Variants in RABGAP1L observed in about 807,000 individuals in gnomAD.
The protein encoded by RABGAP1L is rab GTPase-activating protein 1-like.
Under a neutral mutation model 137.7 loss-of-function variants are expected in RABGAP1L, and 63 were observed. The observed-to-expected ratio is 0.46, with a 90% CI of 0.37 to 0.56. RABGAP1L has a LOEUF of 0.56. Among genes scored for constraint, RABGAP1L ranks in the 20% least tolerant of loss-of-function variants. The pLI, the probability that RABGAP1L is intolerant of heterozygous loss-of-function variation, is 0.00. For synonymous variants in RABGAP1L, 431 were observed against 433.7 expected, an observed-to-expected ratio of 0.99 and a Z score of 0.08; for missense variants, 1,095 against 1,244.0, an observed-to-expected ratio of 0.88 and a Z score of 1.80.
At chr1:174,521,592 G>A (rs917188525) in intron 13 of RABGAP1L, among the ~76,000 whole-genome samples, 1 of 152,156 alleles carries the variant, frequency 6.6e-6, no homozygotes, top group African/African-American at 2.4e-5. Flanking sequence ...AAAATTGCAA[G>A]GGCAAAGAAA....
At chr1:174,445,096 C>T (rs1223896829) in intron 13 of RABGAP1L, among the ~76,000 whole-genome samples, 1 of 152,034 alleles carries the variant, frequency 6.6e-6, no homozygotes, top group Non-Finnish European at 1.5e-5. Flanking sequence ...GCACACAGCA[C>T]AATGCTTGGC....
At chr1:174,959,759 G>A (rs1189741909) in intron 20 of RABGAP1L, among the ~76,000 whole-genome samples, 1 of 152,076 alleles carries the variant, frequency 6.6e-6, no homozygotes, top group Non-Finnish European at 1.5e-5. Context: ...TACACTTGGT[G>A]AATTTATAGT....
At chr1:174,865,831 A>T (rs1651108385) in intron 19 of RABGAP1L, among the ~76,000 whole-genome samples, 1 of 152,186 alleles carries the variant, frequency 6.6e-6, no homozygotes, top group South Asian at 2.1e-4. Flanking sequence ...AGAACATTTC[A>T]TCTACAATTG....
chr1:174,347,602 C>T (rs956648472), intron 11 of RABGAP1L, among the ~76,000 whole-genome samples: 1 of 152,030 alleles, frequency 6.6e-6, no homozygotes, highest in East Asian at 1.9e-4. Flanking sequence ...ACACCATTCT[C>T]CTGCCTCTGC....
intron 13 of RABGAP1L, among the ~76,000 whole-genome samples, chr1:174,495,586 G>A (rs1230181247): frequency 6.6e-6 from 1 of 152,070 alleles, no homozygotes; most frequent in African/African-American, 2.4e-5. Context: ...CAACCCACCA[G>A]CATTCTTTCT....
At chr1:174,403,801 G>A (rs1376482061) in intron 13 of RABGAP1L, among the ~76,000 whole-genome samples, 1 of 144,524 alleles carries the variant, frequency 6.9e-6, no homozygotes, top group African/African-American at 2.5e-5. Flanking sequence ...TTTCTGGTTT[G>A]GGATTTTTTT....
chr1:174,573,225 ATATATGTT>A (rs1668119955), intron 13 of RABGAP1L, among the ~76,000 whole-genome samples: 1 of 144,012 alleles, frequency 6.9e-6, no homozygotes, highest in South Asian at 2.2e-4. Flanking sequence ...TATACACACT[ATATATGTT>A]TATATGTATG....
chr1:174,461,936 T>A (rs1656737371), intron 13 of RABGAP1L, among the ~76,000 whole-genome samples: 1 of 152,172 alleles, frequency 6.6e-6, no homozygotes, highest in Non-Finnish European at 1.5e-5. Context: ...TGTTTATTTA[T>A]ATTCAGCTGA....
At chr1:174,554,882 A>G (rs1305951610) in intron 13 of RABGAP1L, among the ~76,000 whole-genome samples, 1 of 152,202 alleles carries the variant, frequency 6.6e-6, no homozygotes, top group Non-Finnish European at 1.5e-5. Context: ...ACTTGAGGTA[A>G]TAATAAACAA....
At chr1:174,771,866 G>A (rs1206808748) in intron 18 of RABGAP1L, among the ~76,000 whole-genome samples, 2 of 152,210 alleles carry the variant, frequency 1.3e-5, no homozygotes, top group East Asian at 1.9e-4. Context: ...CATTTATTGA[G>A]CACTTAAAAT....
Position 174,464,925 on chromosome 1 carries a change from G to T in RABGAP1L, c.1710+70780G>T, listed in dbSNP as rs376612785. Among the ~76,000 whole-genome samples, 4 of 152,040 alleles carry T rather than the reference G, an allele frequency of 2.6e-5. No homozygotes were observed. In the South Asian group the frequency reaches 6.2e-4, roughly 24 times the overall value. On this transcript the variant is annotated intron_variant, in intron 13 of 25. Transcript: ENST00000681986. ...ATGGCTAAAATTCCTTTCATAACTA[G>T]CAAGGTAGTCTCTTCAATTATTATA...
At chr1:174,500,693 C>T (rs1661177877) in intron 13 of RABGAP1L, among the ~76,000 whole-genome samples, 1 of 152,180 alleles carries the variant, frequency 6.6e-6, no homozygotes, top group Non-Finnish European at 1.5e-5. Flanking sequence ...AACTCCCATA[C>T]ACTCATTTAA....
intron 1 of RABGAP1L, among the ~76,000 whole-genome samples, chr1:174,185,600 G>A (rs1019593400): frequency 2.0e-5 from 3 of 152,266 alleles, no homozygotes; most frequent in Non-Finnish European, 4.4e-5. Flanking sequence ...ATAAGCATAT[G>A]CCTTTTAAAA....
intron 19 of RABGAP1L, among the ~76,000 whole-genome samples, chr1:174,929,499 T>C (rs898004789): frequency 6.6e-6 from 1 of 152,114 alleles, no homozygotes; most frequent in African/African-American, 2.4e-5. Flanking sequence ...TCCCAGCACT[T>C]TGGGAGGCCA....
chr1:174,807,948 A>AAACAAC (rs10645289), intron 18 of RABGAP1L, among the ~76,000 whole-genome samples: 3,019 of 141,090 alleles, frequency 0.021, 114 homozygotes, highest in African/African-American at 0.073. Flanking sequence ...AAACAAAACA[A>AAACAAC]AACAACAACA....
At chr1:174,355,049 G>A (rs1683503232) in intron 11 of RABGAP1L, among the ~76,000 whole-genome samples, 1 of 152,176 alleles carries the variant, frequency 6.6e-6, no homozygotes, top group South Asian at 2.1e-4. Flanking sequence ...GTGGAAGTCA[G>A]TGTGGTGATT....
At chr1:174,271,260 G>A (rs1041162021) in intron 7 of RABGAP1L, among the ~76,000 whole-genome samples, 1 of 152,054 alleles carries the variant, frequency 6.6e-6, no homozygotes, top group Admixed American at 6.6e-5. Context: ...AGAACTTATA[G>A]GAAGTATACA....
chr1:174,851,436 A>AT (rs947848077), intron 19 of RABGAP1L, among the ~76,000 whole-genome samples: 1 of 78,142 alleles, frequency 1.3e-5, no homozygotes, highest in Admixed American at 1.4e-4. Flanking sequence ...CAGAGAATGA[A>AT]TTTTTTATAT....
Position 174,940,760 on chromosome 1 carries a change from G to A in RABGAP1L, c.2341-16697G>A, listed in dbSNP as rs185861787. On this transcript the variant is annotated intron_variant, in intron 19 of 25. Transcript: ENST00000681986. Reference sequence around the variant, plus strand: ...GTCAGATATTCTGCCTCATAAGCCTGGCTACCAAAACAATCCAAAAACTTT... The same window carrying A: ...GTCAGATATTCTGCCTCATAAGCCTAGCTACCAAAACAATCCAAAAACTTT... Among the ~76,000 whole-genome samples the A allele has an allele frequency of 6.8e-4, 104 of 152,170 alleles. 1 individual carries two copies. The highest frequency in any genetic ancestry group is 2.3e-3 in the African/African-American group (96 of 41,516).
Sources: gnomAD v4.1 joint callset for allele counts (sites outside exome capture counted in the v4.1 genomes callset) on GRCh38, gnomAD v4.1.1 for gene constraint, MANE v1.5 for transcripts, NCBI Gene and HGNC (gene_info 2026-07-23, HGNC 2026-07-21) for gene names.